The following BMP2K variants were observed in gnomAD, a reference collection of about 807,000 sequenced individuals.
BMP2K encodes BMP2 inducible kinase, also known as BMP-2-inducible protein kinase.
BMP2K carries 74 observed loss-of-function variants against 116.0 expected under a neutral mutation model. That is an observed-to-expected ratio of 0.64 (90% CI 0.53 to 0.77). The LOEUF (loss-of-function observed/expected upper bound fraction) is 0.77. Among genes scored for constraint, BMP2K ranks in the 30% least tolerant of loss-of-function variants. The probability of loss-of-function intolerance (pLI) is 0.00; values close to 1 mark genes in which losing one functional copy is unlikely to be tolerated. For missense variants in BMP2K, 1,365 were observed against 1,403.6 expected, an observed-to-expected ratio of 0.97 and a Z score of 0.44; for synonymous variants, 486 against 502.5, an observed-to-expected ratio of 0.97 and a Z score of 0.44.
intron 1 of BMP2K, 132 bp from the exon 2 acceptor site, chr4:78,825,905 A>G (rs2109998767): frequency 1.5e-6 from 1 of 659,710 alleles, no homozygotes. Flanking sequence ...ATCTACTAGT[A>G]GCTTATTGCA....
chr4:78,880,402 G>A (rs1196655110), intron 14 of BMP2K, among the ~76,000 whole-genome samples: 3 of 152,122 alleles, frequency 2.0e-5, no homozygotes, highest in Non-Finnish European at 4.4e-5. Context: ...GTAGATACAA[G>A]GTGTAACCAA....
chr4:78,893,653 C>T (rs1463086282), intron 15 of BMP2K, among the ~76,000 whole-genome samples: 3 of 152,172 alleles, frequency 2.0e-5, no homozygotes, highest in Non-Finnish European at 4.4e-5. Flanking sequence ...GCCTCGAACT[C>T]CTGGGCTCCA....
chr4:78,857,004 C>T (rs1441710103), intron 7 of BMP2K, among the ~76,000 whole-genome samples: 6 of 152,018 alleles, frequency 3.9e-5, no homozygotes, highest in South Asian at 2.1e-4. Context: ...TAGTAGATAG[C>T]GATCGTGGCA....
intron 3 of BMP2K, among the ~76,000 whole-genome samples, chr4:78,841,366 TA>T (rs1268618329): frequency 6.6e-6 from 1 of 152,230 alleles, no homozygotes; most frequent in Non-Finnish European, 1.5e-5. Context: ...CTTGCATTCT[TA>T]AAATATGATG....
chr4:78,808,569 T>G (rs1165994784), intron 1 of BMP2K, among the ~76,000 whole-genome samples: 1 of 152,144 alleles, frequency 6.6e-6, no homozygotes, highest in Non-Finnish European at 1.5e-5. Context: ...CCCGGCCGCT[T>G]CCTTTTTTAA....
At chr4:78,831,376 G>A (rs1399378420) in intron 2 of BMP2K, among the ~76,000 whole-genome samples, 2 of 152,198 alleles carry the variant, frequency 1.3e-5, no homozygotes, top group East Asian at 1.9e-4. Flanking sequence ...GAAAAATGGT[G>A]CCTATAAACT....
chr4:78,862,389 C>T (rs946569699), intron 9 of BMP2K, among the ~76,000 whole-genome samples: 2 of 152,032 alleles, frequency 1.3e-5, no homozygotes, highest in African/African-American at 4.8e-5. Context: ...GCTTTCCCTG[C>T]GGATGGGAGT....
At chr4:78,786,405 A>ATTTGTGTG (rs1727730638) in intron 1 of BMP2K, among the ~76,000 whole-genome samples, 1 of 134,292 alleles carries the variant, frequency 7.4e-6, no homozygotes, top group African/African-American at 2.8e-5. Flanking sequence ...AAGCCACCCA[A>ATTTGTGTG]TGTGTGTGTG....
intron 6 of BMP2K, among the ~76,000 whole-genome samples, chr4:78,849,898 A>G (rs1445938180): frequency 6.6e-6 from 1 of 151,772 alleles, no homozygotes; most frequent in Non-Finnish European, 1.5e-5. Context: ...TATAAGCTCC[A>G]TAATAATTAT....
chr4:78,892,415 G>T (rs1733487253), intron 15 of BMP2K, among the ~76,000 whole-genome samples: 1 of 152,052 alleles, frequency 6.6e-6, no homozygotes, highest in South Asian at 2.1e-4. Context: ...AAATGTGGAG[G>T]ATCTATTCTG....
chr4:78,816,595 A>G (rs1234248983), intron 1 of BMP2K, among the ~76,000 whole-genome samples: 3 of 152,162 alleles, frequency 2.0e-5, no homozygotes, highest in Non-Finnish European at 2.9e-5. Context: ...TCCAAGATGG[A>G]TTTTCAGTTC....
At chr4:78,867,924 G>A (rs550626177) in intron 10 of BMP2K, among the ~76,000 whole-genome samples, 5 of 152,272 alleles carry the variant, frequency 3.3e-5, no homozygotes, top group African/African-American at 1.2e-4. Flanking sequence ...GCTGGGTGTA[G>A]TGGCATATGC....
At chr4:78,834,757 G>T (rs1730386609) in intron 3 of BMP2K, among the ~76,000 whole-genome samples, 1 of 152,184 alleles carries the variant, frequency 6.6e-6, no homozygotes, top group Admixed American at 6.5e-5. Flanking sequence ...GGATGATGGT[G>T]ATGTTGGAGA....
rs1727251292 is a variant in BMP2K at position 78,776,611 on chromosome 4, C to A, written c.68C>A (p.Ala23Asp). 3.4e-6 allele frequency: 4 copies of A among 1,190,732 alleles called. No individual in the cohort carries two copies. The highest frequency in any genetic ancestry group is 4.2e-6 in the Non-Finnish European group (4 of 958,588). The allele number at this position is 1,190,732 out of a possible 1,614,324, so 73.8% of individuals were successfully genotyped here. Residue 23 changes from alanine to aspartate, a missense_variant, in exon 1 of 16, where the codon GCT becomes GAT. Around this residue, in one of 3 missense-constraint regions of BMP2K, gnomAD observed 762 missense variants for 756.7 expected, o/e 1.01. Coordinates refer to ENST00000502613, the MANE Select transcript of BMP2K (RefSeq NM_198892.2). ...GGCGGCGGAGCGGCGGGTGGCGGGG[C>A]TGGCGGGGCCGGGGCCGGGGCCGGC... Reference protein sequence around the residue: ...GSGGGAAGGGAGGAGAGAGCG... With the variant: ...GSGGGAAGGGDGGAGAGAGCG...
chr4:78,815,755 A>G (rs1176620041), intron 1 of BMP2K, among the ~76,000 whole-genome samples: 1 of 150,252 alleles, frequency 6.7e-6, no homozygotes, highest in Non-Finnish European at 1.5e-5. Context: ...GTACAAGATA[A>G]TAATTATTTT....
chr4:78,891,379 ATTGTG>A (rs1017887292), intron 15 of BMP2K, among the ~76,000 whole-genome samples: 1 of 151,970 alleles, frequency 6.6e-6, no homozygotes, highest in African/African-American at 2.4e-5. Context: ...CCTTTTATTC[ATTGTG>A]CTGGGGACCT....
intron 3 of BMP2K, among the ~76,000 whole-genome samples, chr4:78,835,145 T>C (rs1158157052): frequency 6.6e-6 from 1 of 152,224 alleles, no homozygotes; most frequent in Non-Finnish European, 1.5e-5. Flanking sequence ...GGGAATCAAA[T>C]GACCTTCAAG....
In BMP2K at chr4:78,851,027, G is replaced by C. The variant is rs140182381; in HGVS notation, c.854G>C (p.Arg285Pro). The C allele has an allele frequency of 3.1e-6, 5 of 1,611,308 alleles. No individual in the cohort carries two copies. In the African/African-American group the frequency reaches 5.4e-5, roughly 17 times the overall value. Residue 285 changes from arginine (R) to proline (P), a missense_variant, in exon 7 of 16, where the codon CGT (arginine) becomes CCT (proline). Physicochemically the swap from Arg to Pro is moderately radical, Grantham distance 103. Coordinates refer to ENST00000502613, the MANE Select transcript of BMP2K (RefSeq NM_198892.2). ...DGNFTIPDNS[R>P]YSRNIHCLIR... ...AACTTCACCATCCCAGACAATTCTC[G>C]TTACTCCCGTAACATACATTGCTTA...
chr4:78,898,409 C>G (rs1455470189), intron 15 of BMP2K, among the ~76,000 whole-genome samples: 1 of 151,686 alleles, frequency 6.6e-6, no homozygotes, highest in Non-Finnish European at 1.5e-5. Context: ...TCTTGAAGAA[C>G]TTCAGGATGT....
Sources: gnomAD v4.1 joint callset for allele counts (sites outside exome capture counted in the v4.1 genomes callset) on GRCh38, gnomAD v4.1.1 for gene constraint, gnomAD v4.1.1 regional missense constraint, MANE v1.5 for transcripts, NCBI Gene and HGNC (gene_info 2026-07-23, HGNC 2026-07-21) for gene names.